The following GRID2 variants were observed in gnomAD, a reference collection of about 807,000 sequenced individuals.
The protein encoded by GRID2 is glutamate ionotropic receptor delta type subunit 2.
Under a neutral mutation model 114.8 loss-of-function variants are expected in GRID2, and 33 were observed. The observed-to-expected ratio is 0.29, with a 90% CI of 0.22 to 0.38. The LOEUF (loss-of-function observed/expected upper bound fraction) is 0.38, where lower values mean the gene tolerates loss of function less well. Ranked by LOEUF, GRID2 falls within the 10% of genes least tolerant of loss-of-function variation. The probability of loss-of-function intolerance (pLI) is 1.00; values close to 1 mark genes in which losing one functional copy is unlikely to be tolerated. For missense variants in GRID2, 1,184 were observed against 1,257.7 expected (o/e 0.94, Z 0.89); for synonymous variants, 505 against 449.9 (o/e 1.12, Z -1.55).
At chr4:93,500,285 T>G (rs1295813010) in intron 12 of GRID2, among the ~76,000 whole-genome samples, 2 of 151,938 alleles carry the variant, frequency 1.3e-5, no homozygotes, top group African/African-American at 4.8e-5. Flanking sequence ...AGTGTAGTGT[T>G]TAGTGTAAAG....
At chr4:92,605,647 G>A (rs1384123240) in intron 2 of GRID2, among the ~76,000 whole-genome samples, 2 of 152,004 alleles carry the variant, frequency 1.3e-5, no homozygotes, top group Non-Finnish European at 2.9e-5. Context: ...AAATATGAAG[G>A]GAATAGCATT....
intron 2 of GRID2, among the ~76,000 whole-genome samples, chr4:92,668,924 G>A (rs145966593): frequency 6.6e-6 from 1 of 151,774 alleles, no homozygotes; most frequent in African/African-American, 2.4e-5. Context: ...AATATATTGG[G>A]CCTTGTTACT....
chr4:92,503,260 A>T (rs1289654093), intron 1 of GRID2, among the ~76,000 whole-genome samples: 1 of 152,054 alleles, frequency 6.6e-6, no homozygotes, highest in East Asian at 1.9e-4. Context: ...AATTTCAGAG[A>T]TTGTAATATT....
At chr4:93,806,034 T>G (rs1326773533) in intron 1 of GRID2, among the ~76,000 whole-genome samples, 1 of 152,026 alleles carries the variant, frequency 6.6e-6, no homozygotes, top group South Asian at 2.1e-4. Context: ...GAGGTGGAGG[T>G]TGCAGTGAGC....
intron 4 of GRID2, chr4:93,164,784 T>G: frequency 2.4e-6 from 1 of 417,406 alleles, no homozygotes; most frequent in Middle Eastern, 3.5e-4. Flanking sequence ...GTGATTTTTG[T>G]TTTCATGCCA....
chr4:92,451,219 CA>C (rs1319360701), intron 1 of GRID2, among the ~76,000 whole-genome samples: 1 of 151,870 alleles, frequency 6.6e-6, no homozygotes, highest in East Asian at 1.9e-4. Context: ...GTACAGTGCC[CA>C]CAGATAATTG....
At chr4:92,588,126 A>C (rs2149209007) in intron 1 of GRID2, among the ~76,000 whole-genome samples, 2 of 152,266 alleles carry the variant, frequency 1.3e-5, no homozygotes, top group Middle Eastern at 6.8e-3. Flanking sequence ...CAATGTAATG[A>C]TTAATCTAGA....
At chr4:92,761,714 C>T (rs750528489) in intron 2 of GRID2, among the ~76,000 whole-genome samples, 6 of 152,044 alleles carry the variant, frequency 3.9e-5, no homozygotes, top group Non-Finnish European at 7.3e-5. Context: ...GAATAGACAA[C>T]CTCCACTCCA....
At chr4:93,591,539 G>C (rs141768100) in intron 13 of GRID2, among the ~76,000 whole-genome samples, 3,383 of 152,094 alleles carry the variant, frequency 0.022, 104 homozygotes, top group African/African-American at 0.073. Context: ...TGTCTCTGCC[G>C]GGCTTTGGTA....
At chr4:93,328,707 TTGGA>T (rs34951218) in intron 8 of GRID2, among the ~76,000 whole-genome samples, 12,301 of 149,772 alleles carry the variant, frequency 0.082, 575 homozygotes, top group Non-Finnish European at 0.1. Flanking sequence ...GGATGGATGG[TTGGA>T]TGGATGGATG....
intron 2 of GRID2, among the ~76,000 whole-genome samples, chr4:92,919,502 T>G (rs1477560719): frequency 6.6e-6 from 1 of 152,224 alleles, no homozygotes; most frequent in Non-Finnish European, 1.5e-5. Flanking sequence ...GCTATAAGTT[T>G]CCCTCTACAC....
At chr4:92,473,765 T>A (rs1335377891) in intron 1 of GRID2, among the ~76,000 whole-genome samples, 1 of 152,098 alleles carries the variant, frequency 6.6e-6, no homozygotes, top group African/African-American at 2.4e-5. Context: ...AGAGAGACAG[T>A]TGAAATATCC....
intron 2 of GRID2, among the ~76,000 whole-genome samples, chr4:93,023,898 A>C (rs566902208): frequency 6.6e-6 from 1 of 152,004 alleles, no homozygotes; most frequent in African/African-American, 2.4e-5. Flanking sequence ...AACTACACAG[A>C]ACTTTATATA....
At chr4:92,603,209 C>A (rs1011065901) in intron 2 of GRID2, among the ~76,000 whole-genome samples, 1 of 152,064 alleles carries the variant, frequency 6.6e-6, no homozygotes, top group African/African-American at 2.4e-5. Flanking sequence ...CTTTAAAATT[C>A]ATATGGAACC....
chr4:93,805,887 T>C (rs1347301679), intron 1 of GRID2, among the ~76,000 whole-genome samples: 2 of 152,146 alleles, frequency 1.3e-5, no homozygotes, highest in Non-Finnish European at 2.9e-5. Context: ...ACCTGAGGTC[T>C]AGAGTTTGAG....
At chr4:92,817,228 A>AT (rs943169921) in intron 2 of GRID2, among the ~76,000 whole-genome samples, 2 of 151,786 alleles carry the variant, frequency 1.3e-5, no homozygotes, top group East Asian at 1.9e-4. Flanking sequence ...AATTCTATAT[A>AT]TTTTTTTCTT....
At chr4:93,314,140 A>G (rs543725996) in intron 8 of GRID2, among the ~76,000 whole-genome samples, 1 of 151,986 alleles carries the variant, frequency 6.6e-6, no homozygotes, top group South Asian at 2.1e-4. Flanking sequence ...CCCCATCCCT[A>G]CTAAAAATAC....
chr4:93,624,485 G>A (rs978258551), intron 13 of GRID2, among the ~76,000 whole-genome samples: 2 of 151,936 alleles, frequency 1.3e-5, no homozygotes, highest in African/African-American at 2.4e-5. Flanking sequence ...ATCTCATTAC[G>A]GATTTTTTTT....
intron 1 of GRID2, among the ~76,000 whole-genome samples, chr4:92,563,530 G>A (rs1727198476): frequency 6.6e-6 from 1 of 152,022 alleles, no homozygotes; most frequent in Non-Finnish European, 1.5e-5. Context: ...ATTATGTATA[G>A]TTCTAATTTT....
Sources: gnomAD v4.1 joint callset for allele counts (sites outside exome capture counted in the v4.1 genomes callset) on GRCh38, gnomAD v4.1.1 for gene constraint, MANE v1.5 for transcripts, NCBI Gene and HGNC (gene_info 2026-07-23, HGNC 2026-07-21) for gene names.